The following KLHL29 variants were observed in gnomAD, a reference collection of about 807,000 sequenced individuals.
KLHL29 encodes the protein kelch-like protein 29.
In KLHL29, 21 loss-of-function variants were observed where a neutral mutation model predicts 80.4. The ratio of observed to expected loss-of-function variants is 0.26; its 90% CI spans 0.19 to 0.38. The LOEUF (loss-of-function observed/expected upper bound fraction) is 0.38, where lower values mean the gene tolerates loss of function less well. Among genes scored for constraint, KLHL29 ranks in the 10% least tolerant of loss-of-function variants. KLHL29 has a pLI of 1.00. For missense variants in KLHL29, 867 were observed against 1,223.9 expected (o/e 0.71, Z 4.35); for synonymous variants, 511 against 526.8 (o/e 0.97, Z 0.41).
At chr2:23,436,764 C>T (rs1031910249) in intron 1 of KLHL29, among the ~76,000 whole-genome samples, 1 of 152,192 alleles carries the variant, frequency 6.6e-6, no homozygotes, top group African/African-American at 2.4e-5. Context: ...GCTTTTGGGG[C>T]ACCATTTAAG....
chr2:23,515,991 G>A (rs957037674), intron 2 of KLHL29, among the ~76,000 whole-genome samples: 3 of 152,208 alleles, frequency 2.0e-5, no homozygotes, highest in African/African-American at 7.2e-5. Flanking sequence ...AATCAATTTT[G>A]TGATTCTAAA....
intron 3 of KLHL29, among the ~76,000 whole-genome samples, chr2:23,578,124 G>A (rs1368882572): frequency 2.0e-5 from 3 of 152,208 alleles, no homozygotes; most frequent in African/African-American, 7.2e-5. Flanking sequence ...GGTGCCAAGA[G>A]ACAGGAAGAA....
chr2:23,536,878 G>A (rs1010753572), intron 2 of KLHL29, among the ~76,000 whole-genome samples: 3 of 149,116 alleles, frequency 2.0e-5, no homozygotes, highest in African/African-American at 7.6e-5. Flanking sequence ...ACGAAATAGC[G>A]AAAGACAGAT....
chr2:23,643,188 A>G, intron 5 of KLHL29: 3 of 473,634 alleles, frequency 6.3e-6, no homozygotes, highest in Middle Eastern at 6.3e-4. Flanking sequence ...AAGCTGCAAA[A>G]GGGTGAGAGT....
chr2:23,493,086 C>A (rs1665153862), intron 2 of KLHL29, among the ~76,000 whole-genome samples: 1 of 152,236 alleles, frequency 6.6e-6, no homozygotes, highest in South Asian at 2.1e-4. Flanking sequence ...CATCTCACAG[C>A]CCTGTCGTCT....
intron 3 of KLHL29, among the ~76,000 whole-genome samples, chr2:23,566,268 G>A (rs1048938530): frequency 6.6e-6 from 1 of 152,202 alleles, no homozygotes; most frequent in African/African-American, 2.4e-5. Flanking sequence ...AGACCAATCA[G>A]CAGCCTCCCC....
At chr2:23,580,744 C>T (rs1250546724) in intron 3 of KLHL29, among the ~76,000 whole-genome samples, 13 of 83,268 alleles carry the variant, frequency 1.6e-4, no homozygotes, top group Middle Eastern at 5.3e-3. Flanking sequence ...TTTAGGAGGC[C>T]GAGGCAGGTG....
chr2:23,414,789 A>G (rs1314639979), intron 1 of KLHL29, among the ~76,000 whole-genome samples: 1 of 152,192 alleles, frequency 6.6e-6, no homozygotes, highest in Non-Finnish European at 1.5e-5. Flanking sequence ...GAAAATACTG[A>G]CACCATGCAG....
chr2:23,704,125 G>A (rs1672566017), intron 13 of KLHL29, among the ~76,000 whole-genome samples: 1 of 152,206 alleles, frequency 6.6e-6, no homozygotes, highest in Non-Finnish European at 1.5e-5. Flanking sequence ...AAGGCATCAA[G>A]GCTACCCTGC....
rs796260888 is a variant in KLHL29 at position 23,606,137 on chromosome 2, CTA to C, written c.286-33001_286-33000del. 9.0e-5 allele frequency among the ~76,000 whole-genome samples: 13 copies of C among 144,282 alleles called. No homozygotes were observed. The East Asian group carries it at 1.4e-3, about 16-fold the overall frequency. The allele number at this position is 144,282 out of a possible 152,430, so 94.7% of individuals were successfully genotyped here. ...TCAGGTGGGGGGATCATTCCGTGAG[CTA>C]GTGTGTGTGTGTGTGTATGTGTGTG... On this transcript the variant is annotated intron_variant, in intron 3 of 13. Transcript: ENST00000486442.
At position 23,466,030 on chromosome 2, in the gene KLHL29, G is replaced by A. The variant is rs568425094; in HGVS notation, c.-153-9530G>A. 5.9e-5 allele frequency among the ~76,000 whole-genome samples: 9 copies of A among 152,142 alleles called. No individual in the cohort carries two copies. In the East Asian group the frequency reaches 7.7e-4, roughly 13 times the overall value. On this transcript the variant is annotated intron_variant, in intron 1 of 13. Coordinates refer to ENST00000486442, the MANE Select transcript of KLHL29 (RefSeq NM_052920.2). ...TCAGTCTGGAGTGCAGACAAGAGAC[G>A]TCGAGCAGGGTAAAGGATGGGTGGC... is the stretch of plus-strand genomic sequence containing the variant.
chr2:23,574,075 G>A (rs538538525), intron 3 of KLHL29, among the ~76,000 whole-genome samples: 2 of 152,300 alleles, frequency 1.3e-5, no homozygotes, highest in African/African-American at 2.4e-5. Flanking sequence ...TGGGGGTGCA[G>A]CAGAATCATT....
At chr2:23,535,434 A>G (rs1666631890) in intron 2 of KLHL29, among the ~76,000 whole-genome samples, 1 of 152,248 alleles carries the variant, frequency 6.6e-6, no homozygotes, top group African/African-American at 2.4e-5. Flanking sequence ...AATCTAACAG[A>G]TATTTGTATA....
intron 1 of KLHL29, among the ~76,000 whole-genome samples, chr2:23,406,503 G>A (rs772106520): frequency 3.9e-5 from 6 of 152,098 alleles, no homozygotes; most frequent in Non-Finnish European, 8.8e-5. Context: ...ATTGCCTCAT[G>A]TAATTGAAAA....
At chr2:23,417,908 T>A (rs1453188429) in intron 1 of KLHL29, among the ~76,000 whole-genome samples, 4 of 152,160 alleles carry the variant, frequency 2.6e-5, no homozygotes, top group African/African-American at 9.7e-5. Flanking sequence ...CATCTGGGTC[T>A]CTTTCTTTTT....
At chr2:23,646,639 A>C (rs1001985804) in intron 5 of KLHL29, among the ~76,000 whole-genome samples, 2 of 152,064 alleles carry the variant, frequency 1.3e-5, no homozygotes, top group Non-Finnish European at 2.9e-5. Context: ...ACTGGGAGAG[A>C]GGGATGGTTC....
At chr2:23,591,488 G>A (rs1668259344) in intron 3 of KLHL29, among the ~76,000 whole-genome samples, 1 of 142,128 alleles carries the variant, frequency 7.0e-6, no homozygotes, top group Non-Finnish European at 1.5e-5. Context: ...GTTTCCTGAT[G>A]TGGAGCCCCC....
At chr2:23,564,201 T>C (rs1041387333) in intron 3 of KLHL29, among the ~76,000 whole-genome samples, 1 of 152,032 alleles carries the variant, frequency 6.6e-6, no homozygotes, top group African/African-American at 2.4e-5. Context: ...GTGGAGGGGC[T>C]CGGTGCTGGG....
chr2:23,429,162 G>A (rs997965546), intron 1 of KLHL29, among the ~76,000 whole-genome samples: 3 of 152,200 alleles, frequency 2.0e-5, no homozygotes, highest in Non-Finnish European at 4.4e-5. Context: ...ACCCAGGCAC[G>A]CACGTGTGCA....
Sources: gnomAD v4.1 joint callset for allele counts (sites outside exome capture counted in the v4.1 genomes callset) on GRCh38, gnomAD v4.1.1 for gene constraint, MANE v1.5 for transcripts, NCBI Gene and HGNC (gene_info 2026-07-23, HGNC 2026-07-21) for gene names.